The following CUX1 variants were observed in gnomAD, a reference collection of about 807,000 sequenced individuals.
CUX1 encodes protein CASP.
A neutral mutation model predicts 158.8 loss-of-function variants in CUX1; 31 were observed. That is an observed-to-expected ratio of 0.20 (90% CI 0.15 to 0.26). CUX1 has a LOEUF of 0.26. Among genes scored for constraint, CUX1 ranks in the 10% least tolerant of loss-of-function variants. The pLI, the probability that CUX1 is intolerant of heterozygous loss-of-function variation, is 1.00. For missense variants in CUX1, 1,589 were observed against 2,014.6 expected, an observed-to-expected ratio of 0.79 and a Z score of 4.04; for synonymous variants, 879 against 862.1, an observed-to-expected ratio of 1.02 and a Z score of -0.34.
chr7:101,821,803 T>C (rs1257890432), intron 1 of CUX1, among the ~76,000 whole-genome samples: 1 of 145,256 alleles, frequency 6.9e-6, no homozygotes, highest in Non-Finnish European at 1.5e-5. Flanking sequence ...GTCTCCCGAG[T>C]AGCTGGGACG....
At chr7:101,872,533 T>G (rs1295437672) in intron 1 of CUX1, among the ~76,000 whole-genome samples, 1 of 132,920 alleles carries the variant, frequency 7.5e-6, no homozygotes, top group East Asian at 2.7e-4. Context: ...GGGGCTTCTA[T>G]GATTTTTTTT....
At chr7:101,822,405 T>G (rs1324594687) in intron 1 of CUX1, 1 of 152,274 alleles carries the variant, frequency 6.6e-6, no homozygotes, top group Non-Finnish European at 1.5e-5. Context: ...AGAAGGTTGA[T>G]GGAGGAGAGT....
intron 19 of CUX1, chr7:102,280,171 A>T: frequency 2.4e-6 from 3 of 1,234,458 alleles, no homozygotes; most frequent in Non-Finnish European, 3.5e-6. Context: ...AGCCCAGGGA[A>T]GCCCAGGGGT....
At chr7:102,030,222 G>T (rs1006463395) in intron 3 of CUX1, among the ~76,000 whole-genome samples, 18 of 152,134 alleles carry the variant, frequency 1.2e-4, no homozygotes, top group Admixed American at 1.2e-3. Flanking sequence ...ATACTGGTCA[G>T]GCTGGTCTCT....
intron 16 of CUX1, among the ~76,000 whole-genome samples, chr7:102,199,351 G>C (rs190611883): frequency 6.6e-6 from 1 of 152,330 alleles, no homozygotes; most frequent in East Asian, 1.9e-4. Flanking sequence ...GAATGCAGTG[G>C]TTCCTATTTA....
At chr7:102,189,632 C>T (rs1669085615) in intron 11 of CUX1, among the ~76,000 whole-genome samples, 181 bp from the exon 12 acceptor site, 1 of 152,242 alleles carries the variant, frequency 6.6e-6, no homozygotes, top group African/African-American at 2.4e-5. Context: ...TGGGCACGCA[C>T]TCACACTGGG....
chr7:101,926,682 G>A (rs1357930945), intron 2 of CUX1, among the ~76,000 whole-genome samples: 1 of 152,176 alleles, frequency 6.6e-6, no homozygotes, highest in Non-Finnish European at 1.5e-5. Context: ...GCCAGGAGTA[G>A]AACGCATAAC....
intron 3 of CUX1, among the ~76,000 whole-genome samples, chr7:102,062,833 G>T (rs1167708010): frequency 6.6e-6 from 1 of 152,026 alleles, no homozygotes; most frequent in Non-Finnish European, 1.5e-5. Context: ...AGCCGGGTGC[G>T]GTGGCTCATG....
intron 19 of CUX1, chr7:102,280,156 G>T (rs782739823): frequency 6.9e-7 from 1 of 1,456,834 alleles, no homozygotes; most frequent in Admixed American, 1.7e-5. Context: ...GAGGGGAGGG[G>T]CATCAGCCCA....
At chr7:102,162,116 A>G (rs1230232616) in intron 9 of CUX1, among the ~76,000 whole-genome samples, 3 of 151,822 alleles carry the variant, frequency 2.0e-5, no homozygotes, top group Admixed American at 2.0e-4. Context: ...GGAATCTGGG[A>G]CGCGAAAAGA....
intron 3 of CUX1, among the ~76,000 whole-genome samples, chr7:102,028,886 C>T (rs1425239768): frequency 2.0e-5 from 3 of 152,086 alleles, no homozygotes; most frequent in African/African-American, 7.2e-5. Context: ...TTAGCTTCTC[C>T]CGACGGAAAA....
intron 5 of CUX1, 80 bp downstream of exon 5, chr7:102,097,581 C>A: frequency 7.1e-7 from 1 of 1,403,764 alleles, no homozygotes; most frequent in Non-Finnish European, 9.6e-7. Context: ...TTTTCCCATA[C>A]TTTTGAGACC....
chr7:101,892,706 C>A lies in CUX1; in HGVS notation c.31-23409C>A, dbSNP rs142468430. Among the ~76,000 whole-genome samples the A allele has an allele frequency of 1.9e-3, 287 of 151,960 alleles. 2 individuals are homozygous for A. The highest frequency in any genetic ancestry group is 6.8e-3 in the Middle Eastern group (2 of 294). On this transcript the variant is annotated intron_variant, in intron 1 of 23. Transcript: ENST00000292535. ...TGCCCTTTGCCAAAATACTTTTTTTCATTTTTGTGTATAATTTTGTGAGCT... is the reference window on the plus strand; with the variant it reads ...TGCCCTTTGCCAAAATACTTTTTTTAATTTTTGTGTATAATTTTGTGAGCT...
intron 20 of CUX1, among the ~76,000 whole-genome samples, chr7:102,219,795 T>C (rs1194190478): frequency 6.6e-6 from 1 of 152,234 alleles, no homozygotes; most frequent in African/African-American, 2.4e-5. Context: ...CTCTTGCTAA[T>C]CAGTCAAGAT....
At chr7:102,057,808 A>G (rs1296010746) in intron 3 of CUX1, among the ~76,000 whole-genome samples, 1 of 152,214 alleles carries the variant, frequency 6.6e-6, no homozygotes. Context: ...AGGATTTAGA[A>G]TATTCCATAA....
At chr7:101,995,400 C>A (rs1815717379) in intron 2 of CUX1, among the ~76,000 whole-genome samples, 1 of 152,204 alleles carries the variant, frequency 6.6e-6, no homozygotes, top group African/African-American at 2.4e-5. Flanking sequence ...GTGTCTCTAT[C>A]CCTCCTTCTT....
rs1794826654 is a variant in CUX1 at position 102,196,676 on chromosome 7, G to A, written c.1265G>A (p.Arg422His). The change falls in exon 15 of 24, where the codon CGC becomes CAC. Residue 422 changes from arginine (R) to histidine (H), a missense_variant. By Grantham distance (29) the Arg-to-His change is conservative. This residue lies in a region of CUX1 where 515 missense variants were observed against 574.4 expected (regional missense o/e 0.90). Coordinates refer to ENST00000292535, the MANE Select transcript of CUX1 (RefSeq NM_181552.4). ...GGGAAAGACCAGCCTGAAAGTCGGC[G>A]CCCGGGATCTTTGCCGGCCCCCCCT... Reference protein sequence around the residue: ...RKGKDQPESRRPGSLPAPPPS... With the variant: ...RKGKDQPESRHPGSLPAPPPS... The A allele has an allele frequency of 1.9e-6, 3 of 1,595,298 alleles. No homozygotes were observed. The highest frequency in any genetic ancestry group is 2.6e-6 in the Non-Finnish European group (3 of 1,169,696).
intron 3 of CUX1, among the ~76,000 whole-genome samples, chr7:102,059,404 C>T (rs1377327897): frequency 3.3e-5 from 5 of 151,880 alleles, no homozygotes; most frequent in African/African-American, 1.2e-4. Flanking sequence ...GAGGCCAAGG[C>T]GGGTGGATCA....
At chr7:101,828,074 C>T (rs1441398099) in intron 1 of CUX1, among the ~76,000 whole-genome samples, 1 of 148,804 alleles carries the variant, frequency 6.7e-6, no homozygotes, top group Non-Finnish European at 1.5e-5. Context: ...CTCCCAGGTT[C>T]AAGTGATTCT....
Sources: gnomAD v4.1 joint callset for allele counts (sites outside exome capture counted in the v4.1 genomes callset) on GRCh38, gnomAD v4.1.1 for gene constraint, gnomAD v4.1.1 regional missense constraint, MANE v1.5 for transcripts, NCBI Gene and HGNC (gene_info 2026-07-23, HGNC 2026-07-21) for gene names.